Variants in SLIRP observed in about 807,000 individuals in gnomAD.
SLIRP encodes SRA stem-loop-interacting RNA-binding protein, mitochondrial.
In SLIRP, 12 loss-of-function variants were observed where a neutral mutation model predicts 13.4. The observed-to-expected ratio is 0.89, with a 90% CI of 0.57 to 1.45. The LOEUF (loss-of-function observed/expected upper bound fraction) is 1.45, where lower values mean the gene tolerates loss of function less well. Ranked by LOEUF, SLIRP falls within the 40% of genes most tolerant of loss-of-function variation. The pLI, the probability that SLIRP is intolerant of heterozygous loss-of-function variation, is 0.00. For synonymous variants in SLIRP, 55 were observed against 47.1 expected (o/e 1.17, Z -0.69); for missense variants, 154 against 132.2 (o/e 1.17, Z -0.81).
At chr14:77,714,056 T>A (rs1043091770) in intron 2 of SLIRP, among the ~76,000 whole-genome samples, 3 of 152,140 alleles carry the variant, frequency 2.0e-5, no homozygotes, top group Admixed American at 2.0e-4. Context: ...TCACTCAGGC[T>A]GGAGTGCAGT....
In SLIRP at chr14:77,710,889, T is replaced by A; in HGVS notation, c.149T>A (p.Leu50Ter). Residue 50 changes from leucine to a stop codon, truncating the protein, a stop_gained, in exon 2 of 4, where the codon TTA becomes TAA. Coordinates refer to ENST00000557342, the MANE Select transcript of SLIRP (RefSeq NM_031210.6). LOFTEE classifies it high-confidence loss of function. ...AQFGHVRRCI[L>*]PFDKETGFHR... ...TTCGGCCATGTCAGAAGGTGCATTTTACCTTTTGTAAGTATTAAGGAAAAG... is the reference window on the plus strand; with the variant it reads ...TTCGGCCATGTCAGAAGGTGCATTTAACCTTTTGTAAGTATTAAGGAAAAG... 1 of 1,614,150 alleles carries A rather than the reference T, an allele frequency of 6.2e-7. No homozygotes were observed.
chr14:77,712,638 GT>G (rs1466092513), intron 2 of SLIRP, among the ~76,000 whole-genome samples: 1 of 152,124 alleles, frequency 6.6e-6, no homozygotes, highest in African/African-American at 2.4e-5. Flanking sequence ...TAGAGATGGA[GT>G]TTCGCTATGT....
chr14:77,708,097 T>A (rs765270192), upstream of SLIRP: 2 of 1,612,530 alleles, frequency 1.2e-6, no homozygotes, highest in East Asian at 4.5e-5. Context: ...CTCGAGAAGG[T>A]GCTTTAGTCT....
intron 1 of SLIRP, 50 bp downstream of exon 1, chr14:77,708,258 C>T (rs1324744450): frequency 1.9e-6 from 3 of 1,570,412 alleles, no homozygotes; most frequent in Non-Finnish European, 2.6e-6. Flanking sequence ...CCAAGTGATC[C>T]TCAAAGCTTC....
rs571100614 is a variant in SLIRP at position 77,710,770 on chromosome 14, T to C, written c.98-68T>C. On this transcript the variant is annotated intron_variant, in intron 1 of 3. Transcript: ENST00000557342. ...CCACAAGAAATCTGGTGACCCTGTC[T>C]TTCTACAGTCTAAGATAGAGAATCC... is the stretch of plus-strand genomic sequence containing the variant. 65 of 1,602,728 alleles carry C rather than the reference T, an allele frequency of 4.1e-5. No individual in the cohort carries two copies. The African/African-American group carries it at 7.5e-4, about 18-fold the overall frequency.
chr14:77,717,396 G>T, intron 3 of SLIRP, 100 bp from the exon 4 acceptor site: 1 of 964,976 alleles, frequency 1.0e-6, no homozygotes, highest in Non-Finnish European at 1.6e-6. Context: ...AACTGCCTGG[G>T]TTATTCATTA....
chr14:77,710,827 C>G lies in SLIRP; in HGVS notation c.98-11C>G. On this transcript the variant is annotated splice_polypyrimidine_tract_variant and intron_variant, in intron 1 of 3. Transcript: ENST00000557342. The stretch of plus-strand genomic sequence containing the variant: ...TAGTAACTACTTTTAATGTTTTCTT[C>G]TGCCACACAGGTCAGCTGAAAGAAC... The G allele has an allele frequency of 1.1e-5, 18 of 1,613,998 alleles. No homozygotes were observed. Among genetic ancestry groups the G allele is most frequent in the Non-Finnish European group, 1.4e-5 (17 of 1,179,908 alleles).
At chr14:77,708,344 A>G in intron 1 of SLIRP, 136 bp downstream of exon 1, 7 of 864,272 alleles carry the variant, frequency 8.1e-6, no homozygotes, top group Non-Finnish European at 1.3e-5. Context: ...GTGAGCAGAA[A>G]GAAATTTTGT....
At chr14:77,716,777 CTTTT>C (rs1404750591) in intron 3 of SLIRP, among the ~76,000 whole-genome samples, 4 of 150,756 alleles carry the variant, frequency 2.7e-5, no homozygotes, top group East Asian at 2.0e-4. Context: ...TTTCTTTTTT[CTTTT>C]TGAGAGTCTT....
chr14:77,712,396 C>T (rs904958491), intron 2 of SLIRP, among the ~76,000 whole-genome samples: 1 of 151,848 alleles, frequency 6.6e-6, no homozygotes, highest in Non-Finnish European at 1.5e-5. Flanking sequence ...GCCTCAGCCT[C>T]CTGAGTAGCT....
In SLIRP at chr14:77,715,782, C is replaced by T. The variant is rs1014890578; in HGVS notation, c.167C>T (p.Thr56Ile). ...RRCILPFDKE[T>I]GFHRGLGWVQ... The stretch of plus-strand genomic sequence containing the variant: ...ATTTTGAATTTTTAGGACAAGGAGA[C>T]TGGCTTTCACAGAGGTTTGGGTTGG... The change falls in exon 3 of 4, where the codon ACT becomes ATT. Residue 56 changes from threonine (T) to isoleucine (I), a missense_variant. Coordinates refer to ENST00000557342, the MANE Select transcript of SLIRP (RefSeq NM_031210.6). 5.6e-6 allele frequency: 9 copies of T among 1,612,746 alleles called. No individual in the cohort carries two copies. The highest frequency in any genetic ancestry group is 5.0e-5 in the Admixed American group (3 of 59,734).
intron 2 of SLIRP, among the ~76,000 whole-genome samples, chr14:77,714,312 A>AT (rs988994887): frequency 4.6e-5 from 7 of 151,128 alleles, no homozygotes; most frequent in African/African-American, 1.2e-4. Context: ...GGACTGAGTT[A>AT]TTTTTTTTGA....
At chr14:77,715,275 TAAC>T (rs1181138764) in intron 2 of SLIRP, among the ~76,000 whole-genome samples, 3 of 152,212 alleles carry the variant, frequency 2.0e-5, no homozygotes, top group South Asian at 2.1e-4. Context: ...ACAGGAAGCT[TAAC>T]AACACAGGGA....
intron 1 of SLIRP, among the ~76,000 whole-genome samples, chr14:77,710,221 C>T (rs991311908): frequency 6.6e-6 from 1 of 152,112 alleles, no homozygotes; most frequent in African/African-American, 2.4e-5. Flanking sequence ...AAGTAATACT[C>T]AGTGGATGTA....
chr14:77,710,417 G>A, intron 1 of SLIRP: 2 of 431,048 alleles, frequency 4.6e-6, no homozygotes, highest in Admixed American at 5.2e-5. Context: ...AGGCAGGAAG[G>A]GTAGGTGAGG....
intron 2 of SLIRP, among the ~76,000 whole-genome samples, chr14:77,713,816 C>T (rs1333818300): frequency 6.6e-6 from 1 of 151,856 alleles, no homozygotes; most frequent in African/African-American, 2.4e-5. Flanking sequence ...TTGAAAACTT[C>T]AATTTTTTCA....
At position 77,715,894 on chromosome 14, in the gene SLIRP, A is replaced by G. The variant is rs768049648; in HGVS notation, c.264+15A>G. The G allele has an allele frequency of 3.2e-6, 5 of 1,565,842 alleles. No individual in the cohort carries two copies. Among genetic ancestry groups the G allele is most frequent in the East Asian group, 4.5e-5 (2 of 44,628 alleles). On this transcript the variant is annotated intron_variant, in intron 3 of 3. Coordinates refer to ENST00000557342, the MANE Select transcript of SLIRP (RefSeq NM_031210.6). ...ATGGAGTAAAGGTAAATTTATTTCT[A>G]TGCCAGATACATACATGATATACAT...
chr14:77,717,129 T>C (rs2080491562), intron 3 of SLIRP, among the ~76,000 whole-genome samples: 1 of 151,182 alleles, frequency 6.6e-6, no homozygotes, highest in Non-Finnish European at 1.5e-5. Flanking sequence ...CATGTGATCC[T>C]GGGCCAAACT....
chr14:77,713,076 T>C (rs1039328526), intron 2 of SLIRP, among the ~76,000 whole-genome samples: 1 of 152,166 alleles, frequency 6.6e-6, no homozygotes, highest in Non-Finnish European at 1.5e-5. Flanking sequence ...ATGGAGATCA[T>C]GGGGCCCATC....
Sources: gnomAD v4.1 joint callset for allele counts (sites outside exome capture counted in the v4.1 genomes callset) on GRCh38, gnomAD v4.1.1 for gene constraint, MANE v1.5 for transcripts, NCBI Gene and HGNC (gene_info 2026-07-23, HGNC 2026-07-21) for gene names.